Variants in TMEM108 observed in about 807,000 individuals in gnomAD.
TMEM108 encodes transmembrane protein 108, also known as cancer/testis antigen 124.
Under a neutral mutation model 35.1 loss-of-function variants are expected in TMEM108, and 12 were observed. The observed-to-expected ratio is 0.34, with a 90% CI of 0.22 to 0.55. The LOEUF is 0.55. TMEM108 is among the 20% of genes least tolerant of loss of function. The probability of loss-of-function intolerance (pLI) is 0.89; values close to 1 mark genes in which losing one functional copy is unlikely to be tolerated. For missense variants in TMEM108, 680 were observed against 753.3 expected (o/e 0.90, Z 1.14); for synonymous variants, 287 against 308.6 (o/e 0.93, Z 0.73).
intron 3 of TMEM108, among the ~76,000 whole-genome samples, chr3:133,358,402 C>G (rs1400916283): frequency 6.6e-6 from 1 of 152,100 alleles, no homozygotes; most frequent in African/African-American, 2.4e-5. Context: ...GAACTCCTGA[C>G]CTCATGATCC....
chr3:133,175,173 A>G (rs369765899), intron 2 of TMEM108, among the ~76,000 whole-genome samples: 4 of 152,352 alleles, frequency 2.6e-5, no homozygotes, highest in East Asian at 1.9e-4. Context: ...ATATGGGACT[A>G]TGTGAACAGA....
intron 2 of TMEM108, among the ~76,000 whole-genome samples, chr3:133,153,898 C>T (rs556950686): frequency 7.2e-5 from 11 of 152,046 alleles, no homozygotes; most frequent in African/African-American, 2.7e-4. Context: ...TATAGTCACA[C>T]TTTGCAGGCA....
intron 2 of TMEM108, among the ~76,000 whole-genome samples, chr3:133,078,162 C>CTGTGTGTGTGTGTGT (rs1559825394): frequency 1.3e-4 from 4 of 30,434 alleles, no homozygotes; most frequent in African/African-American, 1.0e-3. Context: ...TGTGTGTGCA[C>CTGTGTGTGTGTGTGT]GCGCGCGCGC....
At chr3:133,285,442 T>G (rs1286121089) in intron 3 of TMEM108, among the ~76,000 whole-genome samples, 2 of 152,208 alleles carry the variant, frequency 1.3e-5, no homozygotes, top group African/African-American at 4.8e-5. Context: ...TATTCTCCAC[T>G]GGGACAGCAG....
chr3:133,141,674 G>T (rs1170004512), intron 2 of TMEM108, among the ~76,000 whole-genome samples: 2 of 152,134 alleles, frequency 1.3e-5, no homozygotes, highest in Non-Finnish European at 2.9e-5. Context: ...TATTCATAAT[G>T]ACAATTGAAC....
chr3:133,166,582 C>G (rs994705440), intron 2 of TMEM108, among the ~76,000 whole-genome samples: 1 of 152,114 alleles, frequency 6.6e-6, no homozygotes, highest in Admixed American at 6.5e-5. Context: ...AGCTGCAGAC[C>G]TTCGCAGTGA....
intron 2 of TMEM108, among the ~76,000 whole-genome samples, chr3:133,097,802 T>TA (rs1265359699): frequency 7.9e-5 from 12 of 152,234 alleles, no homozygotes; most frequent in Non-Finnish European, 1.5e-5. Flanking sequence ...TATAACCCAT[T>TA]ACTGTCTATG....
intron 3 of TMEM108, among the ~76,000 whole-genome samples, chr3:133,293,708 T>G (rs1248039400): frequency 1.3e-5 from 2 of 152,270 alleles, no homozygotes; most frequent in East Asian, 1.9e-4. Context: ...AAGTCCATTT[T>G]CTTTTTCTCC....
intron 3 of TMEM108, among the ~76,000 whole-genome samples, chr3:133,344,018 A>G (rs1388114354): frequency 6.6e-6 from 1 of 151,904 alleles, no homozygotes; most frequent in African/African-American, 2.4e-5. Flanking sequence ...CTCTCCATCC[A>G]CAGAAAAATT....
chr3:133,368,489 A>G (rs903802195), intron 3 of TMEM108, among the ~76,000 whole-genome samples: 10 of 152,146 alleles, frequency 6.6e-5, no homozygotes, highest in African/African-American at 2.4e-4. Flanking sequence ...GTGGAATGAG[A>G]GGGTCTCTGC....
intron 2 of TMEM108, among the ~76,000 whole-genome samples, chr3:133,151,288 C>T (rs994333271): frequency 6.6e-6 from 1 of 152,062 alleles, no homozygotes; most frequent in African/African-American, 2.4e-5. Flanking sequence ...TATCCCTAGC[C>T]CCTAACCCAG....
intron 1 of TMEM108, chr3:133,041,996 A>G (rs879275666): frequency 5.9e-5 from 9 of 152,296 alleles, no homozygotes; most frequent in Non-Finnish European, 1.3e-4. Flanking sequence ...GAAAATTCCT[A>G]ATGTGTTTTT....
chr3:133,185,207 T>C (rs1446214463), intron 2 of TMEM108, among the ~76,000 whole-genome samples: 1 of 152,174 alleles, frequency 6.6e-6, no homozygotes, highest in Non-Finnish European at 1.5e-5. Context: ...AAAGCTTGCT[T>C]CCTGCCACAA....
chr3:133,162,961 C>T (rs1944982487), intron 2 of TMEM108, among the ~76,000 whole-genome samples: 1 of 152,164 alleles, frequency 6.6e-6, no homozygotes, highest in Middle Eastern at 3.2e-3. Flanking sequence ...ATAATAGTAA[C>T]ATCTGGGGCT....
At chr3:133,170,854 C>G (rs1559855403) in intron 2 of TMEM108, among the ~76,000 whole-genome samples, 1 of 152,058 alleles carries the variant, frequency 6.6e-6, no homozygotes, top group Non-Finnish European at 1.5e-5. Flanking sequence ...TTGGCAAATG[C>G]ATTATCTTAG....
At position 133,366,409 on chromosome 3, in the gene TMEM108, A is replaced by T. The variant is rs1001308566; in HGVS notation, c.41-13343A>T. Among the ~76,000 whole-genome samples the T allele has an allele frequency of 2.6e-5, 4 of 152,356 alleles. No homozygotes were observed. In the South Asian group the frequency reaches 8.3e-4, roughly 32 times the overall value. The stretch of plus-strand genomic sequence containing the variant: ...GTTGAATATGTACATGAGGACATGA[A>T]CAAATGGTGGAGTGGTGATAAGAGA... On this transcript the variant is annotated intron_variant, in intron 3 of 5. Transcript: ENST00000321871.
intron 4 of TMEM108, chr3:133,387,021 G>C (rs2073162235): frequency 3.0e-6 from 3 of 985,716 alleles, no homozygotes; most frequent in Non-Finnish European, 3.6e-6. Flanking sequence ...AGTCTGACTT[G>C]TACTTTTCTT....
chr3:133,163,255 C>T (rs1944986900), intron 2 of TMEM108, among the ~76,000 whole-genome samples: 1 of 152,160 alleles, frequency 6.6e-6, no homozygotes, highest in African/African-American at 2.4e-5. Context: ...TCTTTTTCCT[C>T]TCTCCATCCC....
chr3:133,381,021 G>A lies in TMEM108; in HGVS notation c.1310G>A (p.Gly437Glu), dbSNP rs1014847416. ...TTCCTCAACCGCCTGGTCCCCGCCG[G>A]GACCTGGAAGCCTGGGACAGCAGGG... ...GNFLNRLVPA[G>E]TWKPGTAGNI... The change falls in exon 4 of 6, where the codon GGG (glycine) becomes GAG (glutamate). Residue 437 changes from glycine (G) to glutamate (E), a missense_variant. Gly to Glu is a moderately conservative substitution (Grantham distance 98, BLOSUM62 -2). Transcript: ENST00000321871. The A allele has an allele frequency of 6.2e-7, 1 of 1,614,204 alleles. No homozygotes were observed. The highest frequency in any genetic ancestry group is 1.3e-5 in the African/African-American group (1 of 75,046).
Sources: allele counts gnomAD v4.1 joint callset (sites outside exome capture counted in the v4.1 genomes callset), GRCh38; gene constraint gnomAD v4.1.1; transcripts MANE v1.5; gene names NCBI Gene and HGNC (gene_info 2026-07-23, HGNC 2026-07-21).